The following TTC3 variants were observed in gnomAD, a reference collection of about 807,000 sequenced individuals.
TTC3 encodes the protein tetratricopeptide repeat domain 3.
In TTC3, 180 loss-of-function variants were observed where a neutral mutation model predicts 249.6. That is an observed-to-expected ratio of 0.72 (90% CI 0.64 to 0.82). TTC3 has a LOEUF of 0.82. Among genes scored for constraint, TTC3 ranks in the 40% least tolerant of loss-of-function variants. The pLI, the probability that TTC3 is intolerant of heterozygous loss-of-function variation, is 0.00. For missense variants in TTC3, 2,061 were observed against 2,398.4 expected (o/e 0.86, Z 2.94); for synonymous variants, 717 against 805.0 (o/e 0.89, Z 1.85).
At chr21:37,099,397 A>G (rs1220896864) in intron 10 of TTC3, among the ~76,000 whole-genome samples, 1 of 152,220 alleles carries the variant, frequency 6.6e-6, no homozygotes, top group African/African-American at 2.4e-5. Context: ...GTGTCTGAGG[A>G]CACTAGGTGG....
chr21:37,099,964 G>T (rs918685907), intron 10 of TTC3, among the ~76,000 whole-genome samples: 2 of 152,214 alleles, frequency 1.3e-5, no homozygotes. Context: ...ACGCAATGTT[G>T]AGTGAAAAAG....
At position 37,166,621 on chromosome 21, in the gene TTC3, A is replaced by G. The variant is rs1569124682; in HGVS notation, c.4401+6A>G. The G allele has an allele frequency of 1.9e-6, 3 of 1,590,642 alleles. No individual in the cohort carries two copies. Among genetic ancestry groups the G allele is most frequent in the East Asian group, 2.2e-5 (1 of 44,454 alleles). On this transcript the variant is annotated splice_donor_region_variant and intron_variant, in intron 33 of 45. Coordinates refer to ENST00000355666, the Ensembl canonical transcript of TTC3. ...TGCAGATGGTTGCCATACAGGTAAGAGTTAAATAGAAAAGTCTTCTTAATA... is the reference window on the plus strand; with the variant it reads ...TGCAGATGGTTGCCATACAGGTAAGGGTTAAATAGAAAAGTCTTCTTAATA...
At chr21:37,135,884 G>A (rs2077888594) in intron 18 of TTC3, among the ~76,000 whole-genome samples, 1 of 152,176 alleles carries the variant, frequency 6.6e-6, no homozygotes, top group South Asian at 2.1e-4. Context: ...GTTACAAATT[G>A]AAGATTTGTG....
At chr21:37,147,730 GA>G in intron 22 of TTC3, 127 bp downstream of exon 22, 4 of 1,076,938 alleles carry the variant, frequency 3.7e-6, no homozygotes, top group Non-Finnish European at 5.1e-6. Context: ...CCTTTCCCAG[GA>G]TTTTTTTTTT....
At chr21:37,140,374 C>G (rs2078332438) in intron 19 of TTC3, among the ~76,000 whole-genome samples, 187 bp from the exon 20 acceptor site, 1 of 152,172 alleles carries the variant, frequency 6.6e-6, no homozygotes. Context: ...GTGTCTCTGA[C>G]TATCCATATG....
At chr21:37,164,520 G>A (rs2081073066) in intron 32 of TTC3, among the ~76,000 whole-genome samples, 1 of 470 alleles carries the variant, frequency 2.1e-3, no homozygotes, top group Non-Finnish European at 3.6e-3. Context: ...TGTATTTTTA[G>A]TAGAGAAGGG....
At chr21:37,185,682 T>C in intron 36 of TTC3, 24 bp from the exon 37 acceptor site, 1 of 1,471,198 alleles carries the variant, frequency 6.8e-7, no homozygotes, top group South Asian at 1.5e-5. Flanking sequence ...AATTAATTAA[T>C]ATTTGGTGAT....
chr21:37,180,732 C>T (rs1472317416), intron 35 of TTC3, among the ~76,000 whole-genome samples: 7 of 141,178 alleles, frequency 5.0e-5, no homozygotes, highest in Non-Finnish European at 9.0e-5. Context: ...GCACAATGTG[C>T]ACATGTACCC....
chr21:37,196,681 G>T (rs945306065), intron 42 of TTC3, among the ~76,000 whole-genome samples: 2 of 152,060 alleles, frequency 1.3e-5, no homozygotes, highest in Non-Finnish European at 2.9e-5. Context: ...ATAAATGAAC[G>T]CAAAACAATA....
chr21:37,171,210 G>T (rs190614158), intron 34 of TTC3, among the ~76,000 whole-genome samples: 3 of 152,320 alleles, frequency 2.0e-5, no homozygotes, highest in Admixed American at 2.0e-4. Context: ...AGGCTCTGTT[G>T]TTTAATGAGT....
intron 15 of TTC3, among the ~76,000 whole-genome samples, chr21:37,128,637 A>G (rs933386402): frequency 2.2e-4 from 34 of 152,214 alleles, no homozygotes; most frequent in African/African-American, 8.2e-4. Context: ...TTATATGTCA[A>G]TAACAACACA....
chr21:37,177,514 G>A (rs2082381099), intron 35 of TTC3, among the ~76,000 whole-genome samples: 1 of 152,210 alleles, frequency 6.6e-6, no homozygotes, highest in African/African-American at 2.4e-5. Context: ...AGAGCCTTCT[G>A]TGATTGGTGC....
chr21:37,122,157 G>A (rs2076634499), intron 12 of TTC3, among the ~76,000 whole-genome samples, 178 bp downstream of exon 12: 1 of 151,670 alleles, frequency 6.6e-6, no homozygotes, highest in South Asian at 2.1e-4. Flanking sequence ...AGAGTTACAT[G>A]TTATCCATTA....
intron 20 of TTC3, among the ~76,000 whole-genome samples, chr21:37,142,356 C>A (rs188928304): frequency 6.6e-6 from 1 of 152,160 alleles, no homozygotes; most frequent in Admixed American, 6.5e-5. Context: ...AAAACCCCAT[C>A]GTCTCAGCCC....
chr21:37,144,681 G>A, intron 21 of TTC3, 36 bp downstream of exon 21: 2 of 1,593,910 alleles, frequency 1.3e-6, no homozygotes, highest in Non-Finnish European at 1.7e-6. Flanking sequence ...TTCTTACTGT[G>A]AATGCTTATC....
chr21:37,147,823 G>A (rs2079112158), intron 22 of TTC3, among the ~76,000 whole-genome samples: 1 of 151,936 alleles, frequency 6.6e-6, no homozygotes, highest in Non-Finnish European at 1.5e-5. Context: ...CCGCCTCCTG[G>A]GTTCAAGCAA....
chr21:37,140,803 T>C (rs1488452517), intron 20 of TTC3, 130 bp downstream of exon 20: 6 of 561,384 alleles, frequency 1.1e-5, no homozygotes, highest in Non-Finnish European at 1.1e-5. Flanking sequence ...GTGATTTACT[T>C]TGAGGACCTG....
intron 27 of TTC3, among the ~76,000 whole-genome samples, chr21:37,153,705 G>T (rs2079710069): frequency 6.6e-6 from 1 of 152,204 alleles, no homozygotes; most frequent in African/African-American, 2.4e-5. Flanking sequence ...ATTTGTAAAT[G>T]TGTAGATGTG....
rs1343412617 is a variant in TTC3 at position 37,097,445 on chromosome 21, T to C, written c.845+802T>C. Among the ~76,000 whole-genome samples the C allele has an allele frequency of 3.3e-5, 5 of 152,166 alleles. No individual in the cohort carries two copies. The East Asian group carries it at 7.7e-4, about 23-fold the overall frequency. On this transcript the variant is annotated intron_variant, in intron 10 of 45. Transcript: ENST00000355666. ...AAATAAAACAAACCAGAAAACGAAGTTGGAATCTGGGATTCTCAGAACCAA... is the reference window on the plus strand; with the variant it reads ...AAATAAAACAAACCAGAAAACGAAGCTGGAATCTGGGATTCTCAGAACCAA...
Sources: allele counts gnomAD v4.1 joint callset (sites outside exome capture counted in the v4.1 genomes callset), GRCh38; gene constraint gnomAD v4.1.1; transcripts MANE v1.5; gene names NCBI Gene and HGNC (gene_info 2026-07-23, HGNC 2026-07-21).